Variants in ARMC9 observed in about 807,000 individuals in gnomAD.
The protein encoded by ARMC9 is armadillo repeat containing 9, also known as lisH domain-containing protein ARMC9.
A neutral mutation model predicts 107.0 loss-of-function variants in ARMC9; 94 were observed. The observed-to-expected ratio is 0.88, with a 90% CI of 0.74 to 1.04. The LOEUF is 1.04. ARMC9 is among the 50% of genes least tolerant of loss of function. ARMC9 has a pLI of 0.00. For missense variants in ARMC9, 942 were observed against 1,030.1 expected (o/e 0.91, Z 1.17); for synonymous variants, 380 against 396.9 (o/e 0.96, Z 0.51).
rs868046744 is a variant in ARMC9, at chr2:231,248,833, A to G, written c.880-7753A>G. ...AAAAAAAAAAAAAAAAAAAAAAAAA[A>G]GCTGGCCATAGCAGCCCCTTCCGCA... On this transcript the variant is annotated intron_variant, in intron 9 of 24. Coordinates refer to ENST00000611582, the MANE Select transcript of ARMC9 (RefSeq NM_001352754.2). Among the ~76,000 whole-genome samples the G allele has an allele frequency of 7.0e-3, 1,014 of 145,200 alleles. 12 individuals carry two copies. The highest frequency in any genetic ancestry group is 0.025 in the African/African-American group (974 of 39,656).
chr2:231,259,285 T>C (rs1574838619), intron 11 of ARMC9, among the ~76,000 whole-genome samples, 183 bp downstream of exon 11: 2 of 152,050 alleles, frequency 1.3e-5, no homozygotes, highest in East Asian at 3.9e-4. Context: ...TTTTAGAAAC[T>C]CCTATATTAT....
chr2:231,272,210 T>TTTGGGG (rs2039392094), intron 13 of ARMC9, among the ~76,000 whole-genome samples: 1 of 141,786 alleles, frequency 7.1e-6, no homozygotes, highest in Admixed American at 7.1e-5. Flanking sequence ...TTTTTTTTTT[T>TTTGGGG]GAGAGAGTCT....
chr2:231,355,745 T>C, intron 21 of ARMC9, 53 bp from the exon 22 acceptor site: 1 of 1,492,176 alleles, frequency 6.7e-7, no homozygotes, highest in East Asian at 2.5e-5. Flanking sequence ...CAGTCGGCAG[T>C]CCGAATCTCC....
intron 9 of ARMC9, among the ~76,000 whole-genome samples, chr2:231,249,874 C>CACGTGCATTTGCA (rs1559351141): frequency 1.4e-4 from 11 of 79,660 alleles, no homozygotes; most frequent in African/African-American, 4.7e-4. Context: ...GGGAGACCAC[C>CACGTGCATTTGCA]GCCCACCCGT....
At chr2:231,298,290 C>T (rs971757286) in intron 19 of ARMC9, among the ~76,000 whole-genome samples, 2 of 152,218 alleles carry the variant, frequency 1.3e-5, no homozygotes, top group East Asian at 1.9e-4. Flanking sequence ...TGCGCATCAC[C>T]GGTGCCAGCC....
chr2:231,355,488 G>A (rs748158558), intron 21 of ARMC9, among the ~76,000 whole-genome samples: 14 of 152,180 alleles, frequency 9.2e-5, no homozygotes, highest in Non-Finnish European at 1.9e-4. Flanking sequence ...GCCTTACGTT[G>A]TTTGCTTGAA....
intron 1 of ARMC9, among the ~76,000 whole-genome samples, chr2:231,205,826 G>C (rs1469818449): frequency 6.6e-6 from 1 of 152,166 alleles, no homozygotes; most frequent in Non-Finnish European, 1.5e-5. Flanking sequence ...GTTTTTAGAG[G>C]CTCCTTACCC....
chr2:231,284,935 C>A (rs954302534), intron 17 of ARMC9, among the ~76,000 whole-genome samples: 1 of 152,206 alleles, frequency 6.6e-6, no homozygotes, highest in Non-Finnish European at 1.5e-5. Flanking sequence ...AGCGGTGGCT[C>A]ACGCCTGTAA....
At chr2:231,272,707 G>C (rs111456946) in intron 13 of ARMC9, among the ~76,000 whole-genome samples, 20 of 151,860 alleles carry the variant, frequency 1.3e-4, no homozygotes, top group African/African-American at 4.6e-4. Flanking sequence ...ATAGAGACGG[G>C]GTTTCACCAT....
intron 20 of ARMC9, among the ~76,000 whole-genome samples, chr2:231,339,845 A>G (rs2044387862): frequency 6.6e-6 from 1 of 152,240 alleles, no homozygotes; most frequent in Admixed American, 6.5e-5. Flanking sequence ...GGCAGGAGTA[A>G]TCGCTTGAAC....
rs868535905 is a variant in ARMC9 at position 231,240,252 on chromosome 2, C to T, written c.879+211C>T. On this transcript the variant is annotated intron_variant, in intron 9 of 24. Coordinates refer to ENST00000611582, the MANE Select transcript of ARMC9 (RefSeq NM_001352754.2). ...CTCCTAGGGAGGGTGAGGAGAGAGGCGTGTTCTGCCTACCAGTTGCAGCCA... is the reference window on the plus strand; with the variant it reads ...CTCCTAGGGAGGGTGAGGAGAGAGGTGTGTTCTGCCTACCAGTTGCAGCCA... 94 of 565,082 alleles carry T rather than the reference C, an allele frequency of 1.7e-4. 2 individuals are homozygous for T. The Middle Eastern group carries it at 6.1e-3, about 37-fold the overall frequency. 35.0% of individuals were successfully genotyped at this position (565,082 alleles called of 1,614,324 possible). A position where few individuals can be genotyped will look rare whatever the true frequency, so the allele number is the denominator to read the frequency against.
At chr2:231,272,231 A>G (rs1007211979) in intron 13 of ARMC9, among the ~76,000 whole-genome samples, 2 of 138,742 alleles carry the variant, frequency 1.4e-5, no homozygotes, top group Non-Finnish European at 3.0e-5. Context: ...CACTTTGTCA[A>G]CCAGACTGGA....
rs976558185 is a variant in ARMC9 at position 231,374,609 on chromosome 2, AAAAG to A, written c.*3082_*3085del. 3.3e-5 allele frequency: 5 copies of A among 151,820 alleles called. No individual in the cohort carries two copies. The highest frequency in any genetic ancestry group is 7.3e-5 in the African/African-American group (3 of 41,228). The allele number at this position is 151,820 out of a possible 1,614,324, so 9.4% of individuals were successfully genotyped here. On this transcript the variant is annotated 3_prime_UTR_variant, in exon 25 of 25. Coordinates refer to ENST00000611582, the MANE Select transcript of ARMC9 (RefSeq NM_001352754.2). Reference sequence around the variant, plus strand: ...CAAATAAGGTTCATGAAAAAAAAAGAAAAGAAAGAAAAGGTAAAGAAAAGAAATC... The same window carrying A: ...CAAATAAGGTTCATGAAAAAAAAAGAAAAGAAAAGGTAAAGAAAAGAAATC...
chr2:231,225,367 G>A (rs904091833), intron 6 of ARMC9, among the ~76,000 whole-genome samples: 4 of 152,150 alleles, frequency 2.6e-5, no homozygotes, highest in Non-Finnish European at 5.9e-5. Context: ...ATATACCCAA[G>A]AGAAATGAAA....
chr2:231,325,998 G>C (rs1214479838), intron 19 of ARMC9, among the ~76,000 whole-genome samples: 1 of 152,190 alleles, frequency 6.6e-6, no homozygotes, highest in East Asian at 1.9e-4. Flanking sequence ...GACAAGAGAA[G>C]GGGAGAGAGA....
At chr2:231,245,893 GCTGTTCCACCCACACCAAGC>G (rs1297806701) in intron 9 of ARMC9, among the ~76,000 whole-genome samples, 10 of 152,144 alleles carry the variant, frequency 6.6e-5, no homozygotes, top group African/African-American at 1.4e-4. Context: ...ACGAGAGGGG[GCTGTTCCACCCACACCAAGC>G]CTGTTCCACC....
At chr2:231,351,696 G>T (rs2045088060) in intron 21 of ARMC9, among the ~76,000 whole-genome samples, 1 of 152,006 alleles carries the variant, frequency 6.6e-6, no homozygotes, top group Non-Finnish European at 1.5e-5. Context: ...TGTAAAAGAT[G>T]ATTTAATGAT....
At chr2:231,230,034 C>T (rs1203743287) in intron 7 of ARMC9, among the ~76,000 whole-genome samples, 1 of 152,002 alleles carries the variant, frequency 6.6e-6, no homozygotes, top group Non-Finnish European at 1.5e-5. Context: ...ATTAAAATAA[C>T]ATGGAGGTTA....
chr2:231,298,320 C>T (rs540059856), intron 19 of ARMC9, among the ~76,000 whole-genome samples: 3 of 152,338 alleles, frequency 2.0e-5, no homozygotes, highest in South Asian at 2.1e-4. Context: ...CGGGCACAGC[C>T]GGTCTTGCCT....
Sources: allele counts gnomAD v4.1 joint callset (sites outside exome capture counted in the v4.1 genomes callset), GRCh38; gene constraint gnomAD v4.1.1; transcripts MANE v1.5; gene names NCBI Gene and HGNC (gene_info 2026-07-23, HGNC 2026-07-21).